The following XRN2 variants were observed in gnomAD, a reference collection of about 807,000 sequenced individuals.
XRN2 encodes the protein 5'-3' exoribonuclease 2.
In XRN2, 44 loss-of-function variants were observed where a neutral mutation model predicts 138.5. The ratio of observed to expected loss-of-function variants is 0.32; its 90% CI spans 0.25 to 0.41. The LOEUF (loss-of-function observed/expected upper bound fraction) is 0.41. Among genes scored for constraint, XRN2 ranks in the 10% least tolerant of loss-of-function variants. The pLI is 1.00. For synonymous variants in XRN2, 354 were observed against 369.4 expected (o/e 0.96, Z 0.48); for missense variants, 937 against 1,169.3 (o/e 0.80, Z 2.90).
chr20:21,374,988 CTTA>C (rs1202816592), intron 27 of XRN2, among the ~76,000 whole-genome samples: 1 of 48,726 alleles, frequency 2.1e-5, no homozygotes, highest in Non-Finnish European at 4.5e-5. Flanking sequence ...TTCGGTAATT[CTTA>C]TGTTGGTTTT....
intron 27 of XRN2, among the ~76,000 whole-genome samples, chr20:21,370,674 C>G (rs569039545): frequency 9.2e-5 from 14 of 152,302 alleles, no homozygotes; most frequent in African/African-American, 3.1e-4. Context: ...CCCTCATAAT[C>G]TGTTTTGTGG....
At chr20:21,332,590 AGAG>A (rs1393525864) in intron 9 of XRN2, 150 bp downstream of exon 9, 13 of 796,602 alleles carry the variant, frequency 1.6e-5, no homozygotes, top group Non-Finnish European at 2.3e-5. Flanking sequence ...AAATGGATGA[AGAG>A]AAGATTGTGG....
intron 14 of XRN2, 125 bp downstream of exon 14, chr20:21,339,213 C>A: frequency 1.1e-6 from 1 of 915,520 alleles, no homozygotes; most frequent in Non-Finnish European, 1.7e-6. Flanking sequence ...AGTGTCCACC[C>A]AGTTACCTTT....
intron 1 of XRN2, chr20:21,303,750 C>T: frequency 2.5e-6 from 3 of 1,201,108 alleles, no homozygotes; most frequent in Non-Finnish European, 1.0e-6. Flanking sequence ...TTTTTCCCGG[C>T]ACCGGAAGGC....
In XRN2 at chr20:21,365,402, G is replaced by T; in HGVS notation, c.2256-19G>T. ...GCTGATATAATCAGATCATTGAATT[G>T]TTTCTTGTTCTTTTCCAGTATTAAT... On this transcript the variant is annotated intron_variant, in intron 24 of 29. Transcript: ENST00000377191. The T allele has an allele frequency of 6.2e-7, 1 of 1,609,146 alleles. No homozygotes were observed. Among genetic ancestry groups the T allele is most frequent in the Non-Finnish European group, 8.5e-7 (1 of 1,177,342 alleles).
At chr20:21,378,612 A>G (rs547367600) in intron 27 of XRN2, among the ~76,000 whole-genome samples, 5 of 152,376 alleles carry the variant, frequency 3.3e-5, no homozygotes, top group East Asian at 1.9e-4. Context: ...GTTGTACATA[A>G]TAAGTACTGT....
At chr20:21,383,589 A>C (rs1400388311) in intron 28 of XRN2, among the ~76,000 whole-genome samples, 5 of 152,178 alleles carry the variant, frequency 3.3e-5, no homozygotes, top group African/African-American at 1.2e-4. Flanking sequence ...TTACCAGAAT[A>C]TTTACTCTGA....
rs1175948822 is a variant in XRN2, at chr20:21,365,405, T to C, written c.2256-16T>C. ...GATATAATCAGATCATTGAATTGTT[T>C]CTTGTTCTTTTCCAGTATTAATTTT... On this transcript the variant is annotated splice_polypyrimidine_tract_variant and intron_variant, in intron 24 of 29. Coordinates refer to ENST00000377191, the MANE Select transcript of XRN2 (RefSeq NM_012255.5). 4 of 1,610,188 alleles carry C rather than the reference T, an allele frequency of 2.5e-6. No individual in the cohort carries two copies.
At chr20:21,312,276 C>A (rs773628873) in intron 1 of XRN2, among the ~76,000 whole-genome samples, 3 of 151,872 alleles carry the variant, frequency 2.0e-5, no homozygotes, top group Non-Finnish European at 4.4e-5. Flanking sequence ...CCATGCCCAG[C>A]TAAGTTTTTG....
chr20:21,388,672 A>G (rs991098645), intron 29 of XRN2, among the ~76,000 whole-genome samples: 7 of 152,210 alleles, frequency 4.6e-5, no homozygotes, highest in Non-Finnish European at 8.8e-5. Flanking sequence ...AGGACTTATA[A>G]TGAAGAGGTG....
intron 4 of XRN2, among the ~76,000 whole-genome samples, chr20:21,330,048 C>T (rs766985342): frequency 1.3e-5 from 2 of 152,000 alleles, no homozygotes; most frequent in Non-Finnish European, 2.9e-5. Context: ...TTTGGGAGGC[C>T]GAGGACGGCA....
chr20:21,315,391 AT>A (rs1269831127), intron 1 of XRN2, among the ~76,000 whole-genome samples: 1 of 152,002 alleles, frequency 6.6e-6, no homozygotes, highest in Non-Finnish European at 1.5e-5. Context: ...TGTGGTTTTG[AT>A]TTGCATTTTC....
intron 14 of XRN2, among the ~76,000 whole-genome samples, chr20:21,340,230 G>A (rs1282028176): frequency 6.6e-6 from 1 of 152,072 alleles, no homozygotes; most frequent in Non-Finnish European, 1.5e-5. Context: ...AGGAAGCAGA[G>A]GTTGCAGTGA....
chr20:21,353,440 C>G (rs1186862637), intron 20 of XRN2, among the ~76,000 whole-genome samples: 1 of 150,376 alleles, frequency 6.6e-6, no homozygotes, highest in Non-Finnish European at 1.5e-5. Context: ...GCCTTGAAAT[C>G]ACTCTTTTAG....
At chr20:21,346,161 T>C (rs892939177) in intron 16 of XRN2, among the ~76,000 whole-genome samples, 1 of 152,236 alleles carries the variant, frequency 6.6e-6, no homozygotes, top group African/African-American at 2.4e-5. Context: ...AATAACATTT[T>C]TGAAAATGTG....
At chr20:21,366,488 C>T (rs1411438218) in intron 26 of XRN2, among the ~76,000 whole-genome samples, 1 of 149,468 alleles carries the variant, frequency 6.7e-6, no homozygotes, top group Admixed American at 6.7e-5. Flanking sequence ...ACCTGGGAGG[C>T]GGAGCTTGCA....
intron 6 of XRN2, 114 bp downstream of exon 6, chr20:21,330,819 T>A: frequency 2.0e-6 from 2 of 1,005,496 alleles, no homozygotes; most frequent in Non-Finnish European, 2.8e-6. Flanking sequence ...GCTAGTTGAC[T>A]GTTGGAAGAA....
At chr20:21,330,198 G>T (rs533455413) in intron 4 of XRN2, among the ~76,000 whole-genome samples, 1 of 152,026 alleles carries the variant, frequency 6.6e-6, no homozygotes, top group Non-Finnish European at 1.5e-5. Flanking sequence ...CAGGAGAATC[G>T]CTTGAACCCC....
Position 21,369,505 on chromosome 20 carries a change from C to T in XRN2, c.2584+915C>T, listed in dbSNP as rs544483110. Among the ~76,000 whole-genome samples, 42 of 152,274 alleles carry T rather than the reference C, an allele frequency of 2.8e-4. No homozygotes were observed. The South Asian group carries it at 7.0e-3, about 26-fold the overall frequency. On this transcript the variant is annotated intron_variant, in intron 27 of 29. Coordinates refer to ENST00000377191, the MANE Select transcript of XRN2 (RefSeq NM_012255.5). ...CCCACCAGTGGTCCATGAGAGTTCC[C>T]TTTTCTCCATATCCTCACTGGCATT...
Sources: gnomAD v4.1 joint callset for allele counts (sites outside exome capture counted in the v4.1 genomes callset) on GRCh38, gnomAD v4.1.1 for gene constraint, MANE v1.5 for transcripts, NCBI Gene and HGNC (gene_info 2026-07-23, HGNC 2026-07-21) for gene names.